PPP1CA: variants seen among roughly 807,000 people sequenced by gnomAD.
PPP1CA encodes serine/threonine-protein phosphatase PP1-alpha catalytic subunit.
In PPP1CA, 14 loss-of-function variants were observed where a neutral mutation model predicts 38.5. The ratio of observed to expected loss-of-function variants is 0.36; its 90% confidence interval spans 0.24 to 0.57. PPP1CA has a LOEUF of 0.57. Among genes scored for constraint, PPP1CA ranks in the 20% least tolerant of loss-of-function variants. The pLI, the probability that PPP1CA is intolerant of heterozygous loss-of-function variation, is 0.80. For missense variants in PPP1CA, 277 were observed against 435.2 expected (o/e 0.64, Z 3.23); for synonymous variants, 200 against 177.3 (o/e 1.13, Z -1.02).
Position 67,398,573 on chromosome 11 carries a change from T to G in PPP1CA, c.955A>C (p.Ile319Leu). The change falls in exon 7 of 7, where the codon ATC becomes CTC. Residue 319 changes from isoleucine to leucine, a missense_variant. Around this residue, in one of 3 missense-constraint regions of PPP1CA, gnomAD observed 53 missense variants for 51.1 expected, o/e 1.04. Coordinates refer to ENST00000376745, the MANE Select transcript of PPP1CA (RefSeq NM_002708.4). ...TTGGCGGAATTGCGGGGTGGGGTGA[T>G]GGGTCGGCCTCCAGGGTTCAGGCCA... ...FSGLNPGGRP[I>L]TPPRNSAKAK... The G allele has an allele frequency of 6.2e-7, 1 of 1,614,010 alleles. No homozygotes were observed. The highest frequency in any genetic ancestry group is 2.2e-5 in the East Asian group (1 of 44,868).
Position 67,401,747 on chromosome 11 carries a change from G to C in PPP1CA, c.36C>G (p.Ile12Met). 6.8e-7 allele frequency: 1 copy of C among 1,479,742 alleles called. No individual in the cohort carries two copies. Among genetic ancestry groups the C allele is most frequent in the Non-Finnish European group, 9.0e-7 (1 of 1,106,550 alleles). 91.7% of individuals were successfully genotyped at this position (1,479,742 alleles called of 1,614,324 possible). A position where few individuals can be genotyped will look rare whatever the true frequency, so the allele number is the denominator to read the frequency against. ...SDSEKLNLDS[I>M]IGRLLEVQGS... ...ACCAACCTTCCAGCAGGCGCCCGAT[G>C]ATCGAGTCCAGGTTGAGCTTCTCGC... The change falls in exon 1 of 7, where the codon ATC becomes ATG. Residue 12 changes from isoleucine to methionine, a missense_variant. Transcript: ENST00000376745.
At chr11:67,400,946 A>G in intron 2 of PPP1CA, 27 bp from the exon 3 acceptor site, 1 of 1,611,548 alleles carries the variant, frequency 6.2e-7, no homozygotes, top group East Asian at 2.2e-5. Context: ...CGGGTAAGCT[A>G]GATGCAAGGT....
rs1862778078 is a variant in PPP1CA, at chr11:67,398,207, CAA to C, written c.*326_*327del. 5.4e-6 allele frequency: 2 copies of C among 373,234 alleles called. No individual in the cohort carries two copies. Among genetic ancestry groups the C allele is most frequent in the East Asian group, 1.1e-4 (2 of 17,638 alleles). The allele number at this position is 373,234 out of a possible 1,614,324, so 23.1% of individuals were successfully genotyped here. ...CGAGAATCCAGCTTTGACCTTTATT[CAA>C]GAGACCAGATGGGTTGCCCCAGGAT... On this transcript the variant is annotated 3_prime_UTR_variant, in exon 7 of 7. Transcript: ENST00000376745.
intron 1 of PPP1CA, 112 bp from the exon 2 acceptor site, chr11:67,401,311 G>T: frequency 6.5e-7 from 1 of 1,536,518 alleles, no homozygotes; most frequent in Non-Finnish European, 8.9e-7. Context: ...GCCCCTCCTT[G>T]CCCACAGGCA....
rs548987693 is a variant in PPP1CA, at chr11:67,398,638, T to C, written c.890A>G (p.Lys297Arg). 1.9e-6 allele frequency: 3 copies of C among 1,614,094 alleles called. No homozygotes were observed. Among genetic ancestry groups the C allele is most frequent in the Admixed American group, 3.3e-5 (2 of 60,010 alleles). The stretch of plus-strand genomic sequence containing the variant: ...CTTCCCCTTGTTCTTGTCGGCGGGC[T>C]TGAGGATCTAAAAGAGACAGTGTTG... ...ETLMCSFQIL[K>R]PADKNKGKYG... Residue 297 changes from lysine to arginine, a missense_variant, in exon 7 of 7, where the codon AAG becomes AGG. This residue lies in a region of PPP1CA where 53 missense variants were observed against 51.1 expected (regional missense o/e 1.04). Coordinates refer to ENST00000376745, the MANE Select transcript of PPP1CA (RefSeq NM_002708.4).
At chr11:67,399,333 A>G (rs1358150066) in intron 4 of PPP1CA, among the ~76,000 whole-genome samples, 170 bp from the exon 5 acceptor site, 1 of 152,148 alleles carries the variant, frequency 6.6e-6, no homozygotes, top group African/African-American at 2.4e-5. Flanking sequence ...CAAGTTCCCA[A>G]ACAGGCACAA....
At chr11:67,399,508 G>C (rs989641505) in intron 4 of PPP1CA, 53 bp downstream of exon 4, 9 of 1,503,586 alleles carry the variant, frequency 6.0e-6, no homozygotes, top group East Asian at 4.5e-5. Flanking sequence ...AGAGCTGCCG[G>C]GTGCTGAGGG....
intron 1 of PPP1CA, 157 bp from the exon 2 acceptor site, chr11:67,401,356 C>T: frequency 1.5e-6 from 2 of 1,295,496 alleles, no homozygotes; most frequent in Non-Finnish European, 2.1e-6. Context: ...ACCGCGGCCT[C>T]AAGCCTCCCA....
rs1590935287 is a variant in PPP1CA, at chr11:67,398,770, A to G, written c.834T>C (p.Asn278=). 6.2e-7 allele frequency: 1 copy of G among 1,613,872 alleles called. No individual in the cohort carries two copies. Residue 278 remains asparagine, a synonymous_variant, in exon 6 of 7, where the codon AAT becomes AAC. Coordinates refer to ENST00000376745, the MANE Select transcript of PPP1CA (RefSeq NM_002708.4). ...CGTCCACACTCATCATGGCGCCAGC[A>G]TTGTCAAACTCGCCACAGTAGTTGG... is the stretch of plus-strand genomic sequence containing the variant. The part of the protein sequence containing the change: ...SAPNYCGEFD[N]AGAMMSVDET...
intron 3 of PPP1CA, 72 bp downstream of exon 3, chr11:67,400,617 T>A: frequency 1.4e-6 from 2 of 1,425,446 alleles, no homozygotes; most frequent in Non-Finnish European, 2.0e-6. Context: ...ATCAGGCCAA[T>A]GTGAAGGTCC....
In PPP1CA at chr11:67,401,081, G is replaced by C. The variant is rs375115164; in HGVS notation, c.174C>G (p.Pro58=). Residue 58 remains proline, a synonymous_variant, in exon 2 of 7, where the codon CCC becomes CCG. Coordinates refer to ENST00000376745, the MANE Select transcript of PPP1CA (RefSeq NM_002708.4). ...CCGGGGGCTCACCGCAGATCTTGAG[G>C]GGTGCCTCCAGCTCCAGAAGAATGG... is the stretch of plus-strand genomic sequence containing the variant. ...SQPILLELEA[P]LKICGDIHGQ... is the part of the protein sequence containing the mutation. 6.2e-7 allele frequency: 1 copy of C among 1,613,820 alleles called. No homozygotes were observed. The highest frequency in any genetic ancestry group is 1.1e-5 in the South Asian group (1 of 91,076).
At position 67,398,398 on chromosome 11, in the gene PPP1CA, G is replaced by A. The variant is rs1019195800; in HGVS notation, c.*137C>T. ...CGCTGCTATTGATTCATTAAAAAAA[G>A]AAAAGAAAAATACACCAAGGCTCCA... On this transcript the variant is annotated 3_prime_UTR_variant, in exon 7 of 7. Transcript: ENST00000376745. 1.2e-4 allele frequency: 106 copies of A among 884,608 alleles called. No homozygotes were observed. Among genetic ancestry groups the A allele is most frequent in the Non-Finnish European group, 1.7e-4 (99 of 588,696 alleles). The allele number at this position is 884,608 out of a possible 1,614,324, so 54.8% of individuals were successfully genotyped here.
rs1054693346 is a variant in PPP1CA, at chr11:67,398,215, C to T, written c.*320G>A. 24 of 399,620 alleles carry T rather than the reference C, an allele frequency of 6.0e-5. No individual in the cohort carries two copies. The highest frequency in any genetic ancestry group is 1.4e-3 in the Middle Eastern group (2 of 1,404). The allele number at this position is 399,620 out of a possible 1,614,324, so 24.8% of individuals were successfully genotyped here. A position where few individuals can be genotyped will look rare whatever the true frequency, so the allele number is the denominator to read the frequency against. On this transcript the variant is annotated 3_prime_UTR_variant, in exon 7 of 7. Transcript: ENST00000376745. Reference sequence around the variant, plus strand: ...CAGCTTTGACCTTTATTCAAGAGACCAGATGGGTTGCCCCAGGATCCGGCT... The same window carrying T: ...CAGCTTTGACCTTTATTCAAGAGACTAGATGGGTTGCCCCAGGATCCGGCT...
chr11:67,399,223 T>G, intron 4 of PPP1CA, 60 bp from the exon 5 acceptor site: 2 of 1,492,576 alleles, frequency 1.3e-6, no homozygotes, highest in Non-Finnish European at 1.8e-6. Context: ...CAGGAAGCCT[T>G]GGCCAATGAA....
intron 1 of PPP1CA, 59 bp from the exon 2 acceptor site, chr11:67,401,258 G>C (rs754994704): frequency 1.2e-6 from 2 of 1,604,862 alleles, no homozygotes. Flanking sequence ...TGGGCGACAC[G>C]GGTGGCCCCA....
Position 67,399,134 on chromosome 11 carries a change from G to C in PPP1CA, c.553C>G (p.Gln185Glu). The C allele has an allele frequency of 1.2e-6, 2 of 1,613,470 alleles. No homozygotes were observed. Among genetic ancestry groups the C allele is most frequent in the Non-Finnish European group, 1.7e-6 (2 of 1,180,004 alleles). ...GTGGGCCGCATGATCCGCCGAATCT[G>C]CTCCATAGACTGCAGGTCCGGGGAC... The part of the protein sequence containing the change: ...GLSPDLQSME[Q>E]IRRIMRPTDV... The change falls in exon 5 of 7, where the codon CAG becomes GAG. Residue 185 changes from glutamine (Q) to glutamate (E), a missense_variant. Coordinates refer to ENST00000376745, the MANE Select transcript of PPP1CA (RefSeq NM_002708.4).
At chr11:67,401,658 C>G in intron 1 of PPP1CA, 70 bp downstream of exon 1, 1 of 1,224,822 alleles carries the variant, frequency 8.2e-7, no homozygotes, top group Non-Finnish European at 1.0e-6. Flanking sequence ...GGGGCCCGCC[C>G]GCGCGCCACT....
intron 3 of PPP1CA, 100 bp downstream of exon 3, chr11:67,400,589 A>G: frequency 8.3e-7 from 1 of 1,198,820 alleles, no homozygotes; most frequent in Admixed American, 1.8e-5. Context: ...CGCACAGTCT[A>G]TCAAGTGTCT....
rs1366680377 is a variant in PPP1CA, at chr11:67,398,206, TC to T, written c.*328del. On this transcript the variant is annotated 3_prime_UTR_variant, in exon 7 of 7. Coordinates refer to ENST00000376745, the MANE Select transcript of PPP1CA (RefSeq NM_002708.4). ...GCGAGAATCCAGCTTTGACCTTTAT[TC>T]AAGAGACCAGATGGGTTGCCCCAGG... The T allele has an allele frequency of 8.2e-6, 3 of 366,900 alleles. No homozygotes were observed. In the East Asian group the frequency reaches 1.7e-4, roughly 21 times the overall value. The allele number at this position is 366,900 out of a possible 1,614,324, so 22.7% of individuals were successfully genotyped here.
Sources: gnomAD v4.1 joint callset for allele counts (sites outside exome capture counted in the v4.1 genomes callset) on GRCh38, gnomAD v4.1.1 for gene constraint, gnomAD v4.1.1 regional missense constraint, MANE v1.5 for transcripts, NCBI Gene and HGNC (gene_info 2026-07-23, HGNC 2026-07-21) for gene names.